The following ESRRA variants were observed in gnomAD, a reference collection of about 807,000 sequenced individuals.
The protein encoded by ESRRA is steroid hormone receptor ERR1.
In ESRRA, 7 loss-of-function variants were observed where a neutral mutation model predicts 35.6. The ratio of observed to expected loss-of-function variants is 0.20; its 90% CI spans 0.11 to 0.37. The LOEUF (loss-of-function observed/expected upper bound fraction) is 0.37, where lower values mean the gene tolerates loss of function less well. ESRRA is among the 10% of genes least tolerant of loss of function. The pLI, the probability that ESRRA is intolerant of heterozygous loss-of-function variation, is 1.00. For synonymous variants in ESRRA, 223 were observed against 246.9 expected, an observed-to-expected ratio of 0.90 and a Z score of 0.91; for missense variants, 378 against 561.7, an observed-to-expected ratio of 0.67 and a Z score of 3.31.
rs1026689308 is a variant in ESRRA, at chr11:64,314,083, G to A, written c.442+16G>A. 2.5e-6 allele frequency: 4 copies of A among 1,577,204 alleles called. No homozygotes were observed. In the African/African-American group the frequency reaches 5.4e-5, roughly 21 times the overall value. ...CTCAAGGAGGGTGAGCGCTGGGCAG[G>A]GGCTGGGCGAGGGCTGGGGGAGTCG... On this transcript the variant is annotated intron_variant, in intron 3 of 6. Transcript: ENST00000000442.
intron 1 of ESRRA, chr11:64,306,193 C>G (rs904569940): frequency 6.6e-6 from 1 of 152,472 alleles, no homozygotes; most frequent in African/African-American, 2.4e-5. Context: ...CTTCCTCCTC[C>G]TTGGCTCTCC....
At chr11:64,314,107 CG>C in intron 3 of ESRRA, 40 bp downstream of exon 3, 1 of 1,552,664 alleles carries the variant, frequency 6.4e-7, no homozygotes, top group Non-Finnish European at 8.7e-7. Context: ...CTGGGGGAGT[CG>C]GGGACCCGGG....
At chr11:64,311,416 CTTT>C (rs5792321) in intron 2 of ESRRA, among the ~76,000 whole-genome samples, 15 of 125,644 alleles carry the variant, frequency 1.2e-4, no homozygotes, top group Admixed American at 1.6e-4. Flanking sequence ...GAGGGCTTGT[CTTT>C]TTTTTTTTTT....
At chr11:64,306,938 G>A (rs1239579348) in intron 1 of ESRRA, 2 of 397,478 alleles carry the variant, frequency 5.0e-6, no homozygotes, top group Non-Finnish European at 8.9e-6. Context: ...AGGTTCCCAA[G>A]GGGGAGACCT....
rs745337190 is a variant in ESRRA at position 64,315,894 on chromosome 11, T to C, written c.1200T>C (p.Tyr400=). ...QTAGKVLAHF[Y]GVKLEGKVPM... is the part of the protein sequence containing the mutation. ...CGGGCAAAGTGCTGGCCCATTTCTA[T>C]GGGGTGAAGCTGGAGGGCAAGGTGC... The change falls in exon 7 of 7, where the codon TAT becomes TAC. Residue 400 remains tyrosine (Y), a synonymous_variant. Coordinates refer to ENST00000000442, the MANE Select transcript of ESRRA (RefSeq NM_004451.5). 4.4e-5 allele frequency: 71 copies of C among 1,607,864 alleles called. No homozygotes were observed. Among genetic ancestry groups the C allele is most frequent in the Non-Finnish European group, 5.4e-5 (64 of 1,176,880 alleles).
Position 64,316,523 on chromosome 11 carries a change from C to T in ESRRA, c.*557C>T. 4.0e-6 allele frequency: 1 copy of T among 249,788 alleles called. No homozygotes were observed. Among genetic ancestry groups the T allele is most frequent in the East Asian group, 1.0e-4 (1 of 10,024 alleles). The allele number at this position is 249,788 out of a possible 1,614,324, so 15.5% of individuals were successfully genotyped here. A position where few individuals can be genotyped will look rare whatever the true frequency, so the allele number is the denominator to read the frequency against. On this transcript the variant is annotated 3_prime_UTR_variant, in exon 7 of 7. Transcript: ENST00000000442. ...TTCCCCATCAGCTCCCAACGAGCCT[C>T]CTCAGGGGGTAGGAGAGCACTGCCT...
intron 1 of ESRRA, chr11:64,306,963 G>T (rs563673113): frequency 9.9e-5 from 44 of 445,348 alleles, no homozygotes; most frequent in Non-Finnish European, 1.7e-4. Context: ...TCAGTTACTG[G>T]CCCTGAAGAC....
At chr11:64,310,141 G>T (rs1277263359) in intron 2 of ESRRA, among the ~76,000 whole-genome samples, 2 of 151,994 alleles carry the variant, frequency 1.3e-5, no homozygotes, top group African/African-American at 4.8e-5. Context: ...TAGGTCCAGA[G>T]CTGAGCTCTT....
rs575246508 is a variant in ESRRA at position 64,309,634 on chromosome 11, T to TAA, written c.325+2146_325+2147dup. Among the ~76,000 whole-genome samples, 15 of 124,644 alleles carry TAA rather than the reference T, an allele frequency of 1.2e-4. No individual in the cohort carries two copies. The South Asian group carries it at 2.5e-3, about 21-fold the overall frequency. The allele number at this position is 124,644 out of a possible 152,430, so 81.8% of individuals were successfully genotyped here. ...CTTTGGGGGCTATAACACGTATAAT[T>TAA]AAAAAAAAAAAAAAAAAGGCCAAGT... is the stretch of plus-strand genomic sequence containing the variant. On this transcript the variant is annotated intron_variant, in intron 2 of 6. Coordinates refer to ENST00000000442, the MANE Select transcript of ESRRA (RefSeq NM_004451.5).
chr11:64,314,001 C>T lies in ESRRA; in HGVS notation c.376C>T (p.Arg126Trp), dbSNP rs764873915. 4.4e-6 allele frequency: 7 copies of T among 1,581,448 alleles called. No homozygotes were observed. Among genetic ancestry groups the T allele is most frequent in the South Asian group, 1.1e-5 (1 of 87,316 alleles). ...PASNECEITK[R>W]RRKACQACRF... ...CTCCAACGAGTGTGAGATCACCAAG[C>T]GGAGACGCAAGGCCTGCCAGGCCTG... The change falls in exon 3 of 7, where the codon CGG becomes TGG. Residue 126 changes from arginine to tryptophan, a missense_variant. By Grantham distance (101) the Arg-to-Trp change is moderately radical. Transcript: ENST00000000442.
chr11:64,311,635 C>T (rs896865726), intron 2 of ESRRA, among the ~76,000 whole-genome samples: 9 of 151,720 alleles, frequency 5.9e-5, no homozygotes, highest in Non-Finnish European at 1.2e-4. Flanking sequence ...AGGATGGTCT[C>T]GATCTCCTGA....
In ESRRA at chr11:64,313,789, A is replaced by G; in HGVS notation, c.326-162A>G. ...TCATCCAGGCAGGGCTCCCCCGCCC[A>G]GCAGCCACTCCCCTCCCTGCCTGCT... On this transcript the variant is annotated intron_variant, in intron 2 of 6. Transcript: ENST00000000442. This position sits in a 1 kb window ranked among gnomAD's most constrained non-coding sequence, Gnocchi z 4.0. 2 of 560,560 alleles carry G rather than the reference A, an allele frequency of 3.6e-6. No homozygotes were observed. Among genetic ancestry groups the G allele is most frequent in the Non-Finnish European group, 6.4e-6 (2 of 313,102 alleles). The allele number at this position is 560,560 out of a possible 1,614,324, so 34.7% of individuals were successfully genotyped here. A position where few individuals can be genotyped will look rare whatever the true frequency, so the allele number is the denominator to read the frequency against.
chr11:64,309,629 A>C (rs2035101485), intron 2 of ESRRA, among the ~76,000 whole-genome samples: 1 of 148,744 alleles, frequency 6.7e-6, no homozygotes. Context: ...TATAACACGT[A>C]TAATTAAAAA....
At chr11:64,311,602 G>A (rs941037983) in intron 2 of ESRRA, among the ~76,000 whole-genome samples, 23 of 151,780 alleles carry the variant, frequency 1.5e-4, no homozygotes, top group African/African-American at 5.3e-4. Context: ...TTTTAGTAGA[G>A]ACTGGGTTTC....
intron 4 of ESRRA, 90 bp downstream of exon 4, chr11:64,314,457 C>G (rs1306113457): frequency 7.3e-7 from 1 of 1,374,930 alleles, no homozygotes; most frequent in Non-Finnish European, 9.7e-7. Context: ...TGTATTTCCC[C>G]TTCGTCTCTT....
At chr11:64,312,657 C>T (rs955133198) in intron 2 of ESRRA, among the ~76,000 whole-genome samples, 26 of 152,102 alleles carry the variant, frequency 1.7e-4, no homozygotes, top group Admixed American at 6.6e-4. Flanking sequence ...AAGGGGGAGG[C>T]GTAATAAACA....
chr11:64,314,995 C>G lies in ESRRA; in HGVS notation c.743-6C>G, dbSNP rs777611754. 6 of 1,589,080 alleles carry G rather than the reference C, an allele frequency of 3.8e-6. No homozygotes were observed. Among genetic ancestry groups the G allele is most frequent in the African/African-American group, 1.3e-5 (1 of 74,376 alleles). ...TCAGCCAGGCCCGCTCCCCGCTGCC[C>G]CCTAGGCTTCTCATCGCTGTCGCTG... On this transcript the variant is annotated splice_polypyrimidine_tract_variant and splice_region_variant and intron_variant, in intron 5 of 6. Transcript: ENST00000000442.
In ESRRA at chr11:64,315,055, T is replaced by C; in HGVS notation, c.797T>C (p.Met266Thr). The C allele has an allele frequency of 6.2e-7, 1 of 1,610,078 alleles. No homozygotes were observed. Among genetic ancestry groups the C allele is most frequent in the Non-Finnish European group, 8.5e-7 (1 of 1,179,194 alleles). ...ATGTCAGTACTGCAGAGCGTGTGGATGGAGGTGCTGGTGCTGGGTGTGGCC... is the reference window on the plus strand; with the variant it reads ...ATGTCAGTACTGCAGAGCGTGTGGACGGAGGTGCTGGTGCTGGGTGTGGCC... ...DQMSVLQSVW[M>T]EVLVLGVAQR... The change falls in exon 6 of 7, where the codon ATG becomes ACG. Residue 266 changes from methionine (M) to threonine (T), a missense_variant. Transcript: ENST00000000442.
intron 2 of ESRRA, among the ~76,000 whole-genome samples, chr11:64,308,682 G>C (rs1272546155): frequency 6.6e-6 from 1 of 150,630 alleles, no homozygotes; most frequent in Non-Finnish European, 1.5e-5. Flanking sequence ...TGGGCATGGT[G>C]GCGGGCGCCT....
Sources: allele counts gnomAD v4.1 joint callset (sites outside exome capture counted in the v4.1 genomes callset), GRCh38; gene constraint gnomAD v4.1.1; non-coding constraint Gnocchi (gnomAD v3.1); transcripts MANE v1.5; gene names NCBI Gene and HGNC (gene_info 2026-07-23, HGNC 2026-07-21).